RORA: variants seen among roughly 807,000 people sequenced by gnomAD.
RORA encodes nuclear receptor ROR-alpha.
RORA carries 7 observed loss-of-function variants against 69.5 expected under a neutral mutation model. That is an observed-to-expected ratio of 0.10 (90% CI 0.06 to 0.19). The LOEUF (loss-of-function observed/expected upper bound fraction) is 0.19, where lower values mean the gene tolerates loss of function less well. Ranked by LOEUF, RORA falls within the 10% of genes least tolerant of loss-of-function variation. RORA has a pLI of 1.00. For synonymous variants in RORA, 261 were observed against 240.8 expected, an observed-to-expected ratio of 1.08 and a Z score of -0.78; for missense variants, 457 against 663.0, an observed-to-expected ratio of 0.69 and a Z score of 3.41.
At chr15:60,826,549 C>T (rs1236860870) in intron 1 of RORA, among the ~76,000 whole-genome samples, 1 of 152,088 alleles carries the variant, frequency 6.6e-6, no homozygotes, top group African/African-American at 2.4e-5. Flanking sequence ...TTTTTAAGCA[C>T]TTGATTTAAA....
chr15:60,508,063 T>G (rs1393174089), intron 5 of RORA, among the ~76,000 whole-genome samples: 1 of 152,226 alleles, frequency 6.6e-6, no homozygotes, highest in Non-Finnish European at 1.5e-5. Context: ...TTGGCAAGTG[T>G]AAGATTTTAG....
rs866319309 is a variant in RORA, at chr15:61,120,719, A to G, written c.166+108334T>C. ...CTGTCTCAAAAAAAAAAAAAAAAAA[A>G]CATACCCTACTTCAAAGGACACATA... On this transcript the variant is annotated intron_variant, in intron 1 of 10. Transcript: ENST00000335670. Among the ~76,000 whole-genome samples, 937 of 151,028 alleles carry G rather than the reference A, an allele frequency of 6.2e-3. 9 individuals are homozygous for G. The highest frequency in any genetic ancestry group is 0.021 in the African/African-American group (870 of 41,110).
rs542620885 is a variant in RORA at position 61,147,293 on chromosome 15, C to T, written c.166+81760G>A. On this transcript the variant is annotated intron_variant, in intron 1 of 10. Coordinates refer to ENST00000335670, the MANE Select transcript of RORA (RefSeq NM_134261.3). The surrounding 1 kb of genome is among the most constrained non-coding windows in gnomAD (Gnocchi z 4.1). The stretch of plus-strand genomic sequence containing the variant: ...AAGGAGCTCAGATGCCAGACAGCCA[C>T]GACTTTGGCCCTCTGTGGTGCCTGG... Among the ~76,000 whole-genome samples the T allele has an allele frequency of 3.9e-5, 6 of 152,324 alleles. No homozygotes were observed. In the South Asian group the frequency reaches 1.2e-3, roughly 32 times the overall value.
chr15:60,640,459 A>C (rs949095551), intron 2 of RORA, among the ~76,000 whole-genome samples: 16 of 152,112 alleles, frequency 1.1e-4, no homozygotes, highest in African/African-American at 3.1e-4. Context: ...GGGCATTTTA[A>C]AAATGTAAAT....
chr15:60,854,592 C>A (rs1014429790), intron 1 of RORA, among the ~76,000 whole-genome samples: 1 of 152,144 alleles, frequency 6.6e-6, no homozygotes, highest in South Asian at 2.1e-4. Flanking sequence ...TGAATATGGC[C>A]TTTAGTAGGT....
At position 60,583,190 on chromosome 15, in the gene RORA, C is replaced by A. The variant is rs1020388595; in HGVS notation, c.197-51339G>T. Among the ~76,000 whole-genome samples the A allele has an allele frequency of 4.5e-4, 68 of 152,230 alleles. 4 individuals carry two copies. The stretch of plus-strand genomic sequence containing the variant: ...AGAGGAAGTCTACTTTCATCTATCC[C>A]ACCAGACTAGAATCTAAGCTGCACG... On this transcript the variant is annotated intron_variant, in intron 2 of 10. Coordinates refer to ENST00000335670, the MANE Select transcript of RORA (RefSeq NM_134261.3).
At chr15:60,783,656 C>T (rs1186819832) in intron 1 of RORA, among the ~76,000 whole-genome samples, 1 of 152,222 alleles carries the variant, frequency 6.6e-6, no homozygotes, top group African/African-American at 2.4e-5. Flanking sequence ...CTTTGAGTCT[C>T]ACCTTTGCAG....
At chr15:60,519,155 A>AG (rs1023681792) in intron 3 of RORA, among the ~76,000 whole-genome samples, 20 of 152,270 alleles carry the variant, frequency 1.3e-4, no homozygotes, top group African/African-American at 4.6e-4. Context: ...CATGAGGCTA[A>AG]GGGGGGACTA....
intron 1 of RORA, among the ~76,000 whole-genome samples, chr15:61,217,104 A>G (rs1260564591): frequency 6.6e-6 from 1 of 152,194 alleles, no homozygotes; most frequent in African/African-American, 2.4e-5. Flanking sequence ...AGAGTTGGGA[A>G]GTGCCTAGCT....
chr15:61,182,804 T>C (rs1434929112), intron 1 of RORA: 1 of 152,218 alleles, frequency 6.6e-6, no homozygotes, highest in Non-Finnish European at 1.5e-5. Context: ...TGATATGATA[T>C]GTTAAGGAGA....
intron 1 of RORA, among the ~76,000 whole-genome samples, chr15:60,849,671 T>C (rs1039269505): frequency 6.6e-6 from 1 of 152,198 alleles, no homozygotes; most frequent in African/African-American, 2.4e-5. Flanking sequence ...AGGGTCTGAT[T>C]TGCAATGTTT....
chr15:60,968,976 T>A (rs1893635671), intron 1 of RORA, among the ~76,000 whole-genome samples: 1 of 152,212 alleles, frequency 6.6e-6, no homozygotes, highest in South Asian at 2.1e-4. Context: ...TTAACACTTT[T>A]GAAGATTACA....
intron 1 of RORA, among the ~76,000 whole-genome samples, chr15:60,980,337 C>T (rs1320918620): frequency 1.3e-5 from 2 of 152,078 alleles, no homozygotes; most frequent in Non-Finnish European, 2.9e-5. Context: ...TAGCCTGTAG[C>T]TTTCCTTTCT....
In RORA at chr15:61,030,722, G is replaced by GA. The variant is rs140815399; in HGVS notation, c.166+198330dup. Among the ~76,000 whole-genome samples the GA allele has an allele frequency of 2.7e-3, 412 of 152,098 alleles. 4 individuals carry two copies. The highest frequency in any genetic ancestry group is 9.4e-3 in the African/African-American group (390 of 41,516). On this transcript the variant is annotated intron_variant, in intron 1 of 10. Coordinates refer to ENST00000335670, the MANE Select transcript of RORA (RefSeq NM_134261.3). Reference sequence around the variant, plus strand: ...TGACTTTTAAGCACATTCGAGAACTGAAAAAAATGTAGCATCTAAAACAGA... The same window carrying GA: ...TGACTTTTAAGCACATTCGAGAACTGAAAAAAAATGTAGCATCTAAAACAGA...
chr15:61,109,793 C>T (rs1258337281), intron 1 of RORA, among the ~76,000 whole-genome samples: 1 of 152,168 alleles, frequency 6.6e-6, no homozygotes, highest in Non-Finnish European at 1.5e-5. Flanking sequence ...TTCCCAGTGC[C>T]TCAGTTTCCC....
At chr15:60,550,369 AGTT>A (rs1260324479) in intron 2 of RORA, among the ~76,000 whole-genome samples, 1 of 152,254 alleles carries the variant, frequency 6.6e-6, no homozygotes, top group Non-Finnish European at 1.5e-5. Context: ...TAAAGTTTTA[AGTT>A]GTTCATATTC....
chr15:61,020,518 T>C (rs1251096520), intron 1 of RORA, among the ~76,000 whole-genome samples: 1 of 152,184 alleles, frequency 6.6e-6, no homozygotes, highest in Non-Finnish European at 1.5e-5. Flanking sequence ...TTTCTTATTG[T>C]TTATTGAAGA....
chr15:60,918,153 A>G (rs1891935056), intron 1 of RORA, among the ~76,000 whole-genome samples: 1 of 152,204 alleles, frequency 6.6e-6, no homozygotes, highest in Admixed American at 6.5e-5. Flanking sequence ...CACCATCCCC[A>G]AGTCATATAA....
intron 2 of RORA, chr15:60,678,144 A>G (rs987855409): frequency 2.0e-5 from 3 of 152,796 alleles, no homozygotes; most frequent in Non-Finnish European, 4.4e-5. Context: ...TTCCACATCA[A>G]ACTACCGATG....
Sources: allele counts gnomAD v4.1 joint callset (sites outside exome capture counted in the v4.1 genomes callset), GRCh38; gene constraint gnomAD v4.1.1; non-coding constraint Gnocchi (gnomAD v3.1); transcripts MANE v1.5; gene names NCBI Gene and HGNC (gene_info 2026-07-23, HGNC 2026-07-21).